TBC1D14: variants seen among roughly 807,000 people sequenced by gnomAD.
The protein encoded by TBC1D14 is TBC1 domain family, member 14.
Under a neutral mutation model 79.0 loss-of-function variants are expected in TBC1D14, and 26 were observed. The ratio of observed to expected loss-of-function variants is 0.33; its 90% CI spans 0.24 to 0.46. The LOEUF (loss-of-function observed/expected upper bound fraction) is 0.46, where lower values mean the gene tolerates loss of function less well. Ranked by LOEUF, TBC1D14 falls within the 20% of genes least tolerant of loss-of-function variation. The pLI, the probability that TBC1D14 is intolerant of heterozygous loss-of-function variation, is 1.00. For missense variants in TBC1D14, 769 were observed against 887.6 expected, an observed-to-expected ratio of 0.87 and a Z score of 1.70; for synonymous variants, 394 against 349.9, an observed-to-expected ratio of 1.13 and a Z score of -1.40.
At chr4:6,995,173 A>G (rs1718885648) in intron 4 of TBC1D14, among the ~76,000 whole-genome samples, 1 of 152,186 alleles carries the variant, frequency 6.6e-6, no homozygotes, top group South Asian at 2.1e-4. Context: ...GAGAGCACGA[A>G]TTGTATTTTT....
In TBC1D14 at chr4:6,946,141, T is replaced by C. The variant is rs73086431; in HGVS notation, c.723-21163T>C. Among the ~76,000 whole-genome samples the C allele has an allele frequency of 5.3e-3, 813 of 152,232 alleles. 7 individuals are homozygous for C. Among genetic ancestry groups the C allele is most frequent in the African/African-American group, 0.019 (769 of 41,516 alleles). On this transcript the variant is annotated intron_variant, in intron 2 of 13. Transcript: ENST00000409757. The stretch of plus-strand genomic sequence containing the variant: ...TCAAGACAAGCCCCGTGAGGATGGG[T>C]ACCTACATTTCCGGTCATCAGGAAC...
At chr4:6,963,121 G>C (rs565211878) in intron 2 of TBC1D14, among the ~76,000 whole-genome samples, 2 of 152,370 alleles carry the variant, frequency 1.3e-5, no homozygotes, top group Admixed American at 6.5e-5. Context: ...GCCCAGGCCC[G>C]GCAGCTGGTC....
At chr4:6,954,049 C>T (rs1164608053) in intron 2 of TBC1D14, among the ~76,000 whole-genome samples, 1 of 152,230 alleles carries the variant, frequency 6.6e-6, no homozygotes, top group East Asian at 1.9e-4. Context: ...GAACCCGTCA[C>T]TCAGGCTTTG....
At chr4:6,990,489 A>G (rs1035462425) in intron 3 of TBC1D14, among the ~76,000 whole-genome samples, 13 of 152,214 alleles carry the variant, frequency 8.5e-5, no homozygotes, top group African/African-American at 3.1e-4. Context: ...CCAGGGTGGC[A>G]GCTGTCACTT....
chr4:6,946,036 T>C (rs376430827), intron 2 of TBC1D14, among the ~76,000 whole-genome samples: 2 of 152,226 alleles, frequency 1.3e-5, no homozygotes, highest in East Asian at 3.9e-4. Context: ...AGAATGGACT[T>C]TCAATTCAGA....
chr4:7,017,846 T>C (rs563215096), intron 12 of TBC1D14, among the ~76,000 whole-genome samples: 1 of 152,352 alleles, frequency 6.6e-6, no homozygotes, highest in South Asian at 2.1e-4. Flanking sequence ...ACTTATTTCC[T>C]GAGTCAGCAT....
At chr4:6,958,459 C>T (rs1714874464) in intron 2 of TBC1D14, among the ~76,000 whole-genome samples, 1 of 151,956 alleles carries the variant, frequency 6.6e-6, no homozygotes, top group Non-Finnish European at 1.5e-5. Flanking sequence ...CAGGGTCTCG[C>T]TGTGTCACCC....
intron 2 of TBC1D14, among the ~76,000 whole-genome samples, chr4:6,952,217 G>A (rs1308631410): frequency 2.0e-5 from 3 of 152,224 alleles, no homozygotes; most frequent in Admixed American, 2.0e-4. Flanking sequence ...CCACTGCAGG[G>A]CTCGTTGAAC....
chr4:7,026,550 C>G (rs148122203), intron 13 of TBC1D14, among the ~76,000 whole-genome samples: 7 of 152,294 alleles, frequency 4.6e-5, no homozygotes, highest in African/African-American at 1.7e-4. Flanking sequence ...ATCTATGCCA[C>G]GCCACTTCTC....
intron 3 of TBC1D14, among the ~76,000 whole-genome samples, chr4:6,978,443 C>G (rs1164320606): frequency 2.9e-4 from 43 of 150,138 alleles, no homozygotes; most frequent in Non-Finnish European, 5.6e-4. Flanking sequence ...GACCTTACCC[C>G]CAACCCTGTG....
At chr4:6,938,264 T>G (rs572165107) in intron 2 of TBC1D14, among the ~76,000 whole-genome samples, 57 of 152,276 alleles carry the variant, frequency 3.7e-4, no homozygotes, top group Admixed American at 2.9e-3. Context: ...GGCTGCCTGG[T>G]GGCCCCAGTG....
At chr4:7,000,049 C>CA (rs1719501712) in intron 6 of TBC1D14, among the ~76,000 whole-genome samples, 2 of 152,286 alleles carry the variant, frequency 1.3e-5, no homozygotes, top group South Asian at 4.1e-4. Context: ...CTGCAGGGGT[C>CA]ACGCGGCCCT....
At chr4:7,002,298 G>A (rs960627165) in intron 7 of TBC1D14, among the ~76,000 whole-genome samples, 2 of 152,118 alleles carry the variant, frequency 1.3e-5, no homozygotes, top group African/African-American at 4.8e-5. Flanking sequence ...TTGTGGAAAT[G>A]GTTTTTTAAA....
At chr4:6,979,164 A>C (rs1457764293) in intron 3 of TBC1D14, among the ~76,000 whole-genome samples, 1 of 152,244 alleles carries the variant, frequency 6.6e-6, no homozygotes, top group Non-Finnish European at 1.5e-5. Context: ...AAAAAAGTTC[A>C]AAAAGCTTGA....
At chr4:6,964,015 C>T (rs907731046) in intron 2 of TBC1D14, among the ~76,000 whole-genome samples, 3 of 152,130 alleles carry the variant, frequency 2.0e-5, no homozygotes, top group Non-Finnish European at 4.4e-5. Flanking sequence ...CATGTGGTCT[C>T]GAACTCCTGG....
intron 2 of TBC1D14, among the ~76,000 whole-genome samples, chr4:6,966,978 T>G (rs576339093): frequency 2.7e-4 from 41 of 152,100 alleles, no homozygotes; most frequent in African/African-American, 9.9e-4. Context: ...CTGGGCTAAT[T>G]TTTTGTATTT....
At chr4:6,965,125 G>A (rs905629239) in intron 2 of TBC1D14, among the ~76,000 whole-genome samples, 3 of 151,894 alleles carry the variant, frequency 2.0e-5, no homozygotes, top group East Asian at 3.9e-4. Context: ...CAAATCCACA[G>A]TCTGTAACCA....
intron 1 of TBC1D14, among the ~76,000 whole-genome samples, chr4:6,916,713 C>A (rs1723428478): frequency 6.6e-6 from 1 of 152,208 alleles, no homozygotes; most frequent in African/African-American, 2.4e-5. Flanking sequence ...AAATACAATT[C>A]AGATGGCCTT....
Position 7,032,460 on chromosome 4 carries a change from C to A in TBC1D14, c.*2068C>A, listed in dbSNP as rs1353497832. On this transcript the variant is annotated 3_prime_UTR_variant, in exon 14 of 14. Transcript: ENST00000409757. ...TCTTCAGCGCCCAGCCCTGCGTGTT[C>A]CTGGTGAAGCAGTTTCACATCAGTC... 1 of 152,654 alleles carries A rather than the reference C, an allele frequency of 6.6e-6. No homozygotes were observed. Among genetic ancestry groups the A allele is most frequent in the Non-Finnish European group, 1.5e-5 (1 of 68,066 alleles). 9.5% of individuals were successfully genotyped at this position (152,654 alleles called of 1,614,324 possible).
Sources: allele counts gnomAD v4.1 joint callset (sites outside exome capture counted in the v4.1 genomes callset), GRCh38; gene constraint gnomAD v4.1.1; transcripts MANE v1.5; gene names NCBI Gene and HGNC (gene_info 2026-07-23, HGNC 2026-07-21).